PCDHA4: variants seen among roughly 807,000 people sequenced by gnomAD.
PCDHA4 encodes protocadherin alpha-4.
Under a neutral mutation model 61.4 loss-of-function variants are expected in PCDHA4, and 49 were observed. The observed-to-expected ratio is 0.80, with a 90% CI of 0.63 to 1.01. PCDHA4 has a LOEUF of 1.01. Among genes scored for constraint, PCDHA4 ranks in the 50% least tolerant of loss-of-function variants. The pLI, the probability that PCDHA4 is intolerant of heterozygous loss-of-function variation, is 0.00. For missense variants in PCDHA4, 1,254 were observed against 1,235.8 expected (o/e 1.01, Z -0.22); for synonymous variants, 590 against 550.3 (o/e 1.07, Z -1.01).
chr5:140,868,121 C>T (rs920378220), intron 1 of PCDHA4: 1 of 151,814 alleles, frequency 6.6e-6, no homozygotes, highest in Non-Finnish European at 1.5e-5. Flanking sequence ...AGTTGAAAAG[C>T]CTATTTCTGT....
intron 1 of PCDHA4, chr5:140,848,676 C>T: frequency 6.3e-7 from 1 of 1,592,292 alleles, no homozygotes; most frequent in South Asian, 1.1e-5. Flanking sequence ...GGAGCTGGTG[C>T]CGCGCCTGTT....
chr5:140,887,245 C>T (rs1200820177), intron 1 of PCDHA4, among the ~76,000 whole-genome samples: 2 of 151,924 alleles, frequency 1.3e-5, no homozygotes, highest in East Asian at 1.9e-4. Context: ...TACCGGCGCC[C>T]GCCACCACGC....
At chr5:140,993,462 TCACACACA>T (rs3836747) in intron 3 of PCDHA4, among the ~76,000 whole-genome samples, 8,792 of 140,974 alleles carry the variant, frequency 0.062, 316 homozygotes, top group South Asian at 0.11. Flanking sequence ...TCTTTCTTTC[TCACACACA>T]CACACACACA....
chr5:140,840,155 G>C (rs2150303964), intron 1 of PCDHA4, among the ~76,000 whole-genome samples: 1 of 152,102 alleles, frequency 6.6e-6, no homozygotes, highest in East Asian at 1.9e-4. Flanking sequence ...CGTGAAAGGA[G>C]AGATGGGATG....
chr5:140,885,603 T>G (rs2060651521), intron 1 of PCDHA4, among the ~76,000 whole-genome samples: 1 of 152,202 alleles, frequency 6.6e-6, no homozygotes, highest in South Asian at 2.1e-4. Context: ...ATATTAATAA[T>G]TTTAATTATA....
chr5:140,822,687 C>T (rs2150118537), intron 1 of PCDHA4: 1 of 1,608,794 alleles, frequency 6.2e-7, no homozygotes, highest in African/African-American at 1.3e-5. Flanking sequence ...TAAAAGTTAA[C>T]GGGGAACTGG....
chr5:140,939,733 C>T (rs1433987863), intron 1 of PCDHA4, among the ~76,000 whole-genome samples: 2 of 152,162 alleles, frequency 1.3e-5, no homozygotes, highest in Non-Finnish European at 2.9e-5. Flanking sequence ...TTGTGTGTAG[C>T]TGTGTATCAT....
At chr5:140,850,949 A>C in intron 1 of PCDHA4, 1 of 1,501,564 alleles carries the variant, frequency 6.7e-7, no homozygotes, top group Non-Finnish European at 8.9e-7. Flanking sequence ...GATATTATCG[A>C]TTACTCCCAG....
rs139113749 is a variant in PCDHA4, at chr5:140,843,258, G to C, written c.2385+33686G>C. On this transcript the variant is annotated intron_variant, in intron 1 of 3. Transcript: ENST00000530339. ...GACGAAGCGGACTCTCCGCGCCACC[G>C]TCTGCTGGTCCTGGTGAAGGATCAT... 5 of 1,595,952 alleles carry C rather than the reference G, an allele frequency of 3.1e-6. 1 individual carries two copies. The African/African-American group carries it at 5.4e-5, about 17-fold the overall frequency.
chr5:140,932,430 G>A (rs1563132683), intron 1 of PCDHA4, among the ~76,000 whole-genome samples: 1 of 151,794 alleles, frequency 6.6e-6, no homozygotes, highest in East Asian at 1.9e-4. Context: ...TGTTCACCTG[G>A]AATTAAAGCA....
In PCDHA4 at chr5:140,967,909, C is replaced by T. The variant is rs140881563; in HGVS notation, c.2386-11040C>T. The T allele has an allele frequency of 5.0e-5, 81 of 1,614,206 alleles. No individual in the cohort carries two copies. In the African/African-American group the frequency reaches 9.1e-4, roughly 18 times the overall value. ...CAGTGCCTGAGAATGCTACACCCAACACCATTGTGGCCGTTCTCAGTGTCA... is the reference window on the plus strand; with the variant it reads ...CAGTGCCTGAGAATGCTACACCCAATACCATTGTGGCCGTTCTCAGTGTCA... On this transcript the variant is annotated intron_variant, in intron 1 of 3. Coordinates refer to ENST00000530339, the MANE Select transcript of PCDHA4 (RefSeq NM_018907.4).
chr5:140,968,091 C>T lies in PCDHA4; in HGVS notation c.2386-10858C>T, dbSNP rs782079016. 1.4e-5 allele frequency: 22 copies of T among 1,614,128 alleles called. No individual in the cohort carries two copies. Among genetic ancestry groups the T allele is most frequent in the Non-Finnish European group, 1.9e-5 (22 of 1,180,016 alleles). On this transcript the variant is annotated intron_variant, in intron 1 of 3. Coordinates refer to ENST00000530339, the MANE Select transcript of PCDHA4 (RefSeq NM_018907.4). ...GTCTACAACATCACGGTGACAGCCA[C>T]AGATGGGGGAATACCGCAGCTCACA...
At position 140,830,486 on chromosome 5, in the gene PCDHA4, G is replaced by A. The variant is rs2150187168; in HGVS notation, c.2385+20914G>A. On this transcript the variant is annotated intron_variant, in intron 1 of 3. Transcript: ENST00000530339. The stretch of plus-strand genomic sequence containing the variant: ...TTTAAATGAAGATCATGATGCCAAA[G>A]TAAGTGAATTTTCATAATTAACAGT... 3 of 1,500,990 alleles carry A rather than the reference G, an allele frequency of 2.0e-6. No homozygotes were observed. In the East Asian group the frequency reaches 7.1e-5, roughly 36 times the overall value. The allele number at this position is 1,500,990 out of a possible 1,614,324, so 93.0% of individuals were successfully genotyped here.
At chr5:140,898,676 G>C (rs1478380529) in intron 1 of PCDHA4, among the ~76,000 whole-genome samples, 3 of 152,036 alleles carry the variant, frequency 2.0e-5, no homozygotes, top group African/African-American at 4.8e-5. Context: ...GTTGCGGGCT[G>C]TTTTTTGGTT....
chr5:140,848,761 G>C lies in PCDHA4; in HGVS notation c.2385+39189G>C, dbSNP rs200597765. 1.3e-5 allele frequency: 21 copies of C among 1,593,458 alleles called. No individual in the cohort carries two copies. In the South Asian group the frequency reaches 2.2e-4, roughly 17 times the overall value. On this transcript the variant is annotated intron_variant, in intron 1 of 3. Coordinates refer to ENST00000530339, the MANE Select transcript of PCDHA4 (RefSeq NM_018907.4). Reference sequence around the variant, plus strand: ...AATGGCATTTTGTTTGTGAATTCTCGGATCGACCGCGAGGAGCTGTGCGGG... The same window carrying C: ...AATGGCATTTTGTTTGTGAATTCTCCGATCGACCGCGAGGAGCTGTGCGGG...
chr5:140,988,500 C>T (rs1340106461), intron 3 of PCDHA4, among the ~76,000 whole-genome samples: 1 of 152,116 alleles, frequency 6.6e-6, no homozygotes, highest in Non-Finnish European at 1.5e-5. Flanking sequence ...TAGGAGAAGC[C>T]ATGAAGCTTA....
chr5:140,838,063 A>C (rs1775401447), intron 1 of PCDHA4, among the ~76,000 whole-genome samples: 1 of 128,138 alleles, frequency 7.8e-6, no homozygotes. Flanking sequence ...TTCCACTTTA[A>C]GTTATATATA....
chr5:140,967,687 C>T (rs1173018126), intron 1 of PCDHA4: 1 of 1,614,094 alleles, frequency 6.2e-7, no homozygotes, highest in Non-Finnish European at 8.5e-7. Context: ...AGAGGCAGCT[C>T]TTCAGCATAG....
intron 3 of PCDHA4, among the ~76,000 whole-genome samples, chr5:141,005,659 G>T (rs963015988): frequency 1.6e-5 from 2 of 123,890 alleles, no homozygotes; most frequent in South Asian, 2.6e-4. Flanking sequence ...TCGAGATCGC[G>T]CCACTGCACT....
Sources: allele counts gnomAD v4.1 joint callset (sites outside exome capture counted in the v4.1 genomes callset), GRCh38; gene constraint gnomAD v4.1.1; transcripts MANE v1.5; gene names NCBI Gene and HGNC (gene_info 2026-07-23, HGNC 2026-07-21).